The following DNAJC1 variants were observed in gnomAD, a reference collection of about 807,000 sequenced individuals.
DNAJC1 encodes dnaJ homolog subfamily C member 1.
Under a neutral mutation model 76.6 loss-of-function variants are expected in DNAJC1, and 58 were observed. The ratio of observed to expected loss-of-function variants is 0.76; its 90% CI spans 0.61 to 0.94. The LOEUF is 0.94. DNAJC1 is among the 40% of genes least tolerant of loss of function. DNAJC1 has a pLI of 0.00. For missense variants in DNAJC1, 689 were observed against 677.3 expected (o/e 1.02, Z -0.19); for synonymous variants, 258 against 267.9 (o/e 0.96, Z 0.36).
At chr10:21,946,400 G>GA (rs1377615653) in intron 1 of DNAJC1, among the ~76,000 whole-genome samples, 1 of 151,686 alleles carries the variant, frequency 6.6e-6, no homozygotes, top group Non-Finnish European at 1.5e-5. Flanking sequence ...TAATTACAGA[G>GA]AAAAAGCAAA....
chr10:21,806,733 T>C (rs1834888989), intron 8 of DNAJC1, among the ~76,000 whole-genome samples: 1 of 151,922 alleles, frequency 6.6e-6, no homozygotes, highest in South Asian at 2.1e-4. Context: ...GGAACAGAAA[T>C]AAAATTAGAA....
intron 8 of DNAJC1, among the ~76,000 whole-genome samples, chr10:21,854,343 G>T (rs1443181008): frequency 8.0e-6 from 1 of 125,744 alleles, no homozygotes; most frequent in Non-Finnish European, 1.7e-5. Flanking sequence ...ATACAAATGT[G>T]GATCTTTAAA....
In DNAJC1 at chr10:21,849,737, C is replaced by T. The variant is rs551258822; in HGVS notation, c.978+32545G>A. ...TCAAAAAAATATTAGCAACCCAAATCGAAAAGTGTATGAAAACAATTATAC... is the reference window on the plus strand; with the variant it reads ...TCAAAAAAATATTAGCAACCCAAATTGAAAAGTGTATGAAAACAATTATAC... On this transcript the variant is annotated intron_variant, in intron 8 of 11. Transcript: ENST00000376980. 8.0e-4 allele frequency among the ~76,000 whole-genome samples: 122 copies of T among 151,944 alleles called. 1 individual carries two copies. Among genetic ancestry groups the T allele is most frequent in the Middle Eastern group, 3.4e-3 (1 of 292 alleles).
chr10:21,799,506 T>C (rs1351739407), intron 9 of DNAJC1, among the ~76,000 whole-genome samples: 1 of 152,164 alleles, frequency 6.6e-6, no homozygotes, highest in Non-Finnish European at 1.5e-5. Context: ...TTTCCCTATG[T>C]CGCCCAGGCT....
chr10:21,870,771 T>C lies in DNAJC1; in HGVS notation c.978+11511A>G, dbSNP rs74664752. On this transcript the variant is annotated intron_variant, in intron 8 of 11. Coordinates refer to ENST00000376980, the MANE Select transcript of DNAJC1 (RefSeq NM_022365.4). ...GCGTTGGCAACAGAGCGAGACCTCA[T>C]ATCAAAAAAGAGAAAGAAAGAGAGA... is the stretch of plus-strand genomic sequence containing the variant. Among the ~76,000 whole-genome samples the C allele has an allele frequency of 7.8e-4, 119 of 151,774 alleles. 1 individual carries two copies. The highest frequency in any genetic ancestry group is 3.4e-3 in the Middle Eastern group (1 of 294).
intron 4 of DNAJC1, 62 bp from the exon 5 acceptor site, chr10:21,919,991 T>C: frequency 9.6e-7 from 1 of 1,043,512 alleles, no homozygotes; most frequent in Non-Finnish European, 1.4e-6. Context: ...AAATGTTATC[T>C]AGGCTCTTCT....
intron 1 of DNAJC1, among the ~76,000 whole-genome samples, chr10:21,967,014 C>CTTTT (rs11427152): frequency 3.6e-5 from 5 of 138,738 alleles, no homozygotes; most frequent in African/African-American, 5.3e-5. Context: ...TCTTCTTCTT[C>CTTTT]TTTTTTTTTT....
intron 8 of DNAJC1, among the ~76,000 whole-genome samples, chr10:21,876,828 G>T (rs1363699099): frequency 1.3e-5 from 2 of 152,092 alleles, no homozygotes; most frequent in Non-Finnish European, 2.9e-5. Context: ...GCAGGCCAAG[G>T]GTTTGGAGAA....
At chr10:21,894,951 G>A (rs1360143600) in intron 7 of DNAJC1, among the ~76,000 whole-genome samples, 1 of 152,238 alleles carries the variant, frequency 6.6e-6, no homozygotes, top group Non-Finnish European at 1.5e-5. Flanking sequence ...AAACTTGCTG[G>A]TATCTTGATC....
At chr10:21,917,870 A>G (rs148301825) in intron 6 of DNAJC1, among the ~76,000 whole-genome samples, 2 of 151,938 alleles carry the variant, frequency 1.3e-5, no homozygotes, top group Admixed American at 1.3e-4. Context: ...TAAAATTTTC[A>G]TTATGAGAAA....
chr10:21,890,336 C>T (rs1432969027), intron 7 of DNAJC1, among the ~76,000 whole-genome samples: 1 of 151,172 alleles, frequency 6.6e-6, no homozygotes, highest in Non-Finnish European at 1.5e-5. Flanking sequence ...TCGCTTGAAC[C>T]TGCGAGGCAG....
At chr10:21,928,596 T>C (rs753631159) in intron 2 of DNAJC1, 44 bp from the exon 3 acceptor site, 12 of 1,517,434 alleles carry the variant, frequency 7.9e-6, no homozygotes, top group Middle Eastern at 1.7e-4. Flanking sequence ...CTCTCAACTA[T>C]AAGAAATCAC....
intron 8 of DNAJC1, among the ~76,000 whole-genome samples, chr10:21,835,695 C>T (rs555078658): frequency 1.2e-4 from 19 of 152,134 alleles, no homozygotes; most frequent in Non-Finnish European, 2.2e-4. Flanking sequence ...GCCTCAGTAG[C>T]CGATGCGATC....
rs773581393 is a variant in DNAJC1, at chr10:21,759,438, C to T, written c.1328G>A (p.Arg443Gln). 8.7e-6 allele frequency: 14 copies of T among 1,613,998 alleles called. No homozygotes were observed. The highest frequency in any genetic ancestry group is 2.2e-5 in the East Asian group (1 of 44,890). Residue 443 changes from arginine to glutamine, a missense_variant, in exon 11 of 12, where the codon CGG becomes CAG. Arg to Gln is a conservative substitution (Grantham distance 43). Coordinates refer to ENST00000376980, the MANE Select transcript of DNAJC1 (RefSeq NM_022365.4). ...CAGCAGCCTGGCTGGCTTCCGCCTC[C>T]GAGGCCGGGCATCAGTGGCCCCGGT... is the stretch of plus-strand genomic sequence containing the variant. Reference protein sequence around the residue: ...QETGATDARPRRRKPARLLEA... With the variant: ...QETGATDARPQRRKPARLLEA...
chr10:21,881,036 A>G (rs1836267370), intron 8 of DNAJC1, among the ~76,000 whole-genome samples: 1 of 152,216 alleles, frequency 6.6e-6, no homozygotes, highest in African/African-American at 2.4e-5. Flanking sequence ...GCTGCTGCAC[A>G]CTGTACTTTT....
intron 1 of DNAJC1, among the ~76,000 whole-genome samples, chr10:21,984,097 CAA>C (rs1838200384): frequency 6.6e-6 from 1 of 152,020 alleles, no homozygotes; most frequent in African/African-American, 2.4e-5. Flanking sequence ...ATTCTATAGA[CAA>C]AAATATCAAA....
chr10:21,884,676 GAAT>G (rs1836341057), intron 7 of DNAJC1, among the ~76,000 whole-genome samples: 4 of 152,090 alleles, frequency 2.6e-5, no homozygotes, highest in Admixed American at 2.6e-4. Context: ...AGAAATGACT[GAAT>G]AATTATTGAT....
At chr10:21,813,094 CACATAT>C (rs1348533178) in intron 8 of DNAJC1, among the ~76,000 whole-genome samples, 8 of 66,716 alleles carry the variant, frequency 1.2e-4, no homozygotes, top group Non-Finnish European at 2.2e-4. Context: ...TATACACACA[CACATAT>C]ATATATATAT....
At chr10:21,868,708 A>C (rs1836051727) in intron 8 of DNAJC1, among the ~76,000 whole-genome samples, 1 of 152,002 alleles carries the variant, frequency 6.6e-6, no homozygotes, top group Non-Finnish European at 1.5e-5. Flanking sequence ...ATAGGTATGT[A>C]AACCAAAACT....
Sources: allele counts gnomAD v4.1 joint callset (sites outside exome capture counted in the v4.1 genomes callset), GRCh38; gene constraint gnomAD v4.1.1; transcripts MANE v1.5; gene names NCBI Gene and HGNC (gene_info 2026-07-23, HGNC 2026-07-21).